Variants in NUDT3 observed in about 807,000 individuals in gnomAD.
The protein encoded by NUDT3 is nudix hydrolase 3.
NUDT3 carries 9 observed loss-of-function variants against 23.6 expected under a neutral mutation model. The observed-to-expected ratio is 0.38, with a 90% confidence interval of 0.23 to 0.66. The LOEUF (loss-of-function observed/expected upper bound fraction) is 0.66, where lower values mean the gene tolerates loss of function less well. NUDT3 is among the 30% of genes least tolerant of loss of function. The probability of loss-of-function intolerance (pLI) is 0.52; values close to 1 mark genes in which losing one functional copy is unlikely to be tolerated. For missense variants in NUDT3, 172 were observed against 218.5 expected, an observed-to-expected ratio of 0.79 and a Z score of 1.34; for synonymous variants, 86 against 82.6, an observed-to-expected ratio of 1.04 and a Z score of -0.22.
rs902242326 is a variant in NUDT3 at position 34,281,338 on chromosome 6, T to C, written c.*7415A>G. 1.3e-5 allele frequency: 2 copies of C among 152,220 alleles called. No individual in the cohort carries two copies. The highest frequency in any genetic ancestry group is 6.5e-5 in the Admixed American group (1 of 15,274). 9.4% of individuals were successfully genotyped at this position (152,220 alleles called of 1,614,324 possible). On this transcript the variant is annotated 3_prime_UTR_variant, in exon 5 of 5. Coordinates refer to ENST00000607016, the MANE Select transcript of NUDT3 (RefSeq NM_006703.4). Reference sequence around the variant, plus strand: ...CTGGCAAAAGTAAGTATGAAGATGCTACTACTGGCCTTCCACTTCCTCTCT... The same window carrying C: ...CTGGCAAAAGTAAGTATGAAGATGCCACTACTGGCCTTCCACTTCCTCTCT...
chr6:34,311,745 C>A (rs1763775957), intron 2 of NUDT3, among the ~76,000 whole-genome samples: 1 of 152,124 alleles, frequency 6.6e-6, no homozygotes. Flanking sequence ...GGAACAATAG[C>A]AAGCCCAGAA....
chr6:34,382,804 C>T (rs1191546274), intron 1 of NUDT3, among the ~76,000 whole-genome samples: 1 of 151,708 alleles, frequency 6.6e-6, no homozygotes, highest in South Asian at 2.1e-4. Context: ...GCACACCAAC[C>T]TGGATGACAG....
intron 2 of NUDT3, among the ~76,000 whole-genome samples, chr6:34,301,988 T>C (rs1024535439): frequency 2.6e-5 from 4 of 152,210 alleles, no homozygotes; most frequent in African/African-American, 7.2e-5. Context: ...CACAGCCTTA[T>C]TTGACAAGTG....
intron 1 of NUDT3, among the ~76,000 whole-genome samples, chr6:34,351,388 C>T (rs1764473309): frequency 1.4e-5 from 2 of 145,172 alleles, no homozygotes; most frequent in Non-Finnish European, 3.0e-5. Flanking sequence ...TTACAGTGAG[C>T]TATGATTGTG....
intron 2 of NUDT3, among the ~76,000 whole-genome samples, chr6:34,317,980 T>C (rs2113714788): frequency 6.6e-6 from 1 of 152,198 alleles, no homozygotes; most frequent in Non-Finnish European, 1.5e-5. Flanking sequence ...TTAATTTAAA[T>C]TAAAAAAATT....
chr6:34,331,223 T>C (rs2113726414), intron 2 of NUDT3, among the ~76,000 whole-genome samples: 2 of 152,266 alleles, frequency 1.3e-5, no homozygotes, highest in East Asian at 3.9e-4. Flanking sequence ...CTCTGAACTC[T>C]TGCGGTGCCA....
At chr6:34,297,229 GC>G (rs1197549889) in intron 2 of NUDT3, among the ~76,000 whole-genome samples, 1 of 151,996 alleles carries the variant, frequency 6.6e-6, no homozygotes, top group Non-Finnish European at 1.5e-5. Context: ...ACCGCGCCTG[GC>G]CTGCCTTTTC....
At chr6:34,346,186 T>C (rs1410857308) in intron 1 of NUDT3, among the ~76,000 whole-genome samples, 1 of 152,098 alleles carries the variant, frequency 6.6e-6, no homozygotes, top group Non-Finnish European at 1.5e-5. Context: ...AATATAAGCA[T>C]GTAAGTTAAT....
intron 2 of NUDT3, among the ~76,000 whole-genome samples, chr6:34,326,985 G>A (rs1311927026): frequency 6.6e-6 from 1 of 152,128 alleles, no homozygotes; most frequent in Non-Finnish European, 1.5e-5. Context: ...AAGAGATAAA[G>A]AGAAAACAGC....
At chr6:34,387,491 C>T (rs917940828) in intron 1 of NUDT3, among the ~76,000 whole-genome samples, 3 of 151,614 alleles carry the variant, frequency 2.0e-5, no homozygotes, top group African/African-American at 4.8e-5. Flanking sequence ...GTAAAACAAA[C>T]AAATACTAAA....
chr6:34,324,010 T>TA lies in NUDT3; in HGVS notation c.210+17851dup, dbSNP rs527853496. On this transcript the variant is annotated intron_variant, in intron 2 of 4. Coordinates refer to ENST00000607016, the MANE Select transcript of NUDT3 (RefSeq NM_006703.4). ...GCTTAATCAAGTGATCAAACTTGGC[T>TA]ACACTAATACACTAATAGCATCACT... Among the ~76,000 whole-genome samples the TA allele has an allele frequency of 2.5e-3, 382 of 152,320 alleles. 14 individuals are homozygous for TA. The highest frequency in any genetic ancestry group is 0.025 in the Admixed American group (380 of 15,300).
rs760998788 is a variant in NUDT3, at chr6:34,280,674, C to T, written c.*8079G>A. On this transcript the variant is annotated 3_prime_UTR_variant, in exon 5 of 5. Coordinates refer to ENST00000607016, the MANE Select transcript of NUDT3 (RefSeq NM_006703.4). ...ACAGGAGATCTATATATGCTCTCAT[C>T]CTGCAACCCAAGAGATTAGGTGACC... 1 of 152,206 alleles carries T rather than the reference C, an allele frequency of 6.6e-6. No individual in the cohort carries two copies. The highest frequency in any genetic ancestry group is 2.4e-5 in the African/African-American group (1 of 41,438). The allele number at this position is 152,206 out of a possible 1,614,324, so 9.4% of individuals were successfully genotyped here.
chr6:34,337,383 C>G (rs758369886), intron 2 of NUDT3, among the ~76,000 whole-genome samples: 1 of 152,122 alleles, frequency 6.6e-6, no homozygotes, highest in Non-Finnish European at 1.5e-5. Flanking sequence ...TAAAGTTTCA[C>G]GATCAGGATT....
In NUDT3 at chr6:34,288,848, T is replaced by A. The variant is rs1330259057; in HGVS notation, c.424A>T (p.Thr142Ser). The A allele has an allele frequency of 1.9e-6, 3 of 1,614,018 alleles. No individual in the cohort carries two copies. The highest frequency in any genetic ancestry group is 2.5e-6 in the Non-Finnish European group (3 of 1,180,030). ...TTGGCTGAGTAGCCTTGCCTCAATGTTTCAAAATATGATGCCTGCACGGGT... is the reference window on the plus strand; with the variant it reads ...TTGGCTGAGTAGCCTTGCCTCAATGATTCAAAATATGATGCCTGCACGGGT... Reference protein sequence around the residue: ...HKPVQASYFETLRQGYSANNG... With the variant: ...HKPVQASYFESLRQGYSANNG... The change falls in exon 5 of 5, where the codon ACA (threonine) becomes TCA (serine). Residue 142 changes from threonine (T) to serine (S), a missense_variant. Thr to Ser is a moderately conservative substitution (Grantham distance 58). Transcript: ENST00000607016.
At chr6:34,350,895 A>G (rs1764456438) in intron 1 of NUDT3, among the ~76,000 whole-genome samples, 1 of 150,536 alleles carries the variant, frequency 6.6e-6, no homozygotes, top group South Asian at 2.1e-4. Flanking sequence ...ATATTCTGAC[A>G]GTTTTTATCT....
chr6:34,372,692 T>G (rs1048362057), intron 1 of NUDT3, among the ~76,000 whole-genome samples: 9 of 152,060 alleles, frequency 5.9e-5, no homozygotes, highest in African/African-American at 1.9e-4. Flanking sequence ...TAATCCCAGC[T>G]ACTAGGGAGG....
intron 2 of NUDT3, among the ~76,000 whole-genome samples, chr6:34,316,218 GTATCTA>G (rs71827139): frequency 0.046 from 6,991 of 152,116 alleles, 252 homozygotes; most frequent in African/African-American, 0.097. Context: ...AACTAAAACC[GTATCTA>G]TTTTAGGGCC....
chr6:34,302,584 T>C (rs147625549), intron 2 of NUDT3, among the ~76,000 whole-genome samples: 220 of 152,084 alleles, frequency 1.4e-3, no homozygotes, highest in African/African-American at 5.0e-3. Flanking sequence ...TACAAAAAAT[T>C]AGCCGAGCAT....
At chr6:34,334,334 C>T (rs1561910251) in intron 2 of NUDT3, among the ~76,000 whole-genome samples, 2 of 152,010 alleles carry the variant, frequency 1.3e-5, no homozygotes, top group Non-Finnish European at 2.9e-5. Flanking sequence ...ACTGGAGATT[C>T]GACAATGAGC....
Sources: gnomAD v4.1 joint callset for allele counts (sites outside exome capture counted in the v4.1 genomes callset) on GRCh38, gnomAD v4.1.1 for gene constraint, MANE v1.5 for transcripts, NCBI Gene and HGNC (gene_info 2026-07-23, HGNC 2026-07-21) for gene names.